Variants in CBL observed in about 807,000 individuals in gnomAD.
CBL encodes the protein E3 ubiquitin-protein ligase CBL.
A neutral mutation model predicts 96.9 loss-of-function variants in CBL; 45 were observed. That is an observed-to-expected ratio of 0.46 (90% CI 0.37 to 0.60). The LOEUF (loss-of-function observed/expected upper bound fraction) is 0.60, where lower values mean the gene tolerates loss of function less well. CBL is among the 20% of genes least tolerant of loss of function. The probability of loss-of-function intolerance (pLI) is 0.00; values close to 1 mark genes in which losing one functional copy is unlikely to be tolerated. For synonymous variants in CBL, 420 were observed against 426.8 expected (o/e 0.98, Z 0.20); for missense variants, 1,024 against 1,143.5 (o/e 0.90, Z 1.51).
At chr11:119,215,454 G>T (rs117176076) in intron 1 of CBL, among the ~76,000 whole-genome samples, 3 of 147,410 alleles carry the variant, frequency 2.0e-5, no homozygotes, top group Non-Finnish European at 4.5e-5. Flanking sequence ...TTGAGGTTGC[G>T]TCTTGCTGTG....
At chr11:119,285,698 C>G in intron 11 of CBL, 132 bp downstream of exon 11, 2 of 1,006,218 alleles carry the variant, frequency 2.0e-6, no homozygotes, top group Non-Finnish European at 3.0e-6. Flanking sequence ...GATTTCGAGA[C>G]CAGCCTGGGG....
chr11:119,272,642 A>C (rs919197798), intron 3 of CBL, among the ~76,000 whole-genome samples: 1 of 152,208 alleles, frequency 6.6e-6, no homozygotes, highest in Non-Finnish European at 1.5e-5. Flanking sequence ...CAGTTTGGCT[A>C]ACGCTGGCGA....
intron 1 of CBL, among the ~76,000 whole-genome samples, chr11:119,212,928 A>C (rs1448487284): frequency 4.0e-5 from 6 of 150,756 alleles, no homozygotes; most frequent in South Asian, 2.1e-4. Context: ...AGCCAAGATC[A>C]TGCTACTGAC....
Position 119,278,182 on chromosome 11 carries a change from A to G in CBL, c.1112A>G (p.Tyr371Cys), listed in dbSNP as rs387906666. The stretch of plus-strand genomic sequence containing the variant: ...TAATCAAAGGAACAATATGAATTAT[A>G]CTGTGAGATGGGCTCCACATTCCAA... ...IKVTQEQYEL[Y>C]CEMGSTFQLC... The change falls in exon 8 of 16, where the codon TAC (tyrosine) becomes TGC (cysteine). Residue 371 changes from tyrosine (Y) to cysteine (C), a missense_variant. Around this residue, in one of 4 missense-constraint regions of CBL, gnomAD observed 695 missense variants for 661.6 expected, o/e 1.05. Coordinates refer to ENST00000264033, the MANE Select transcript of CBL (RefSeq NM_005188.4). 1.2e-6 allele frequency: 2 copies of G among 1,602,602 alleles called. No individual in the cohort carries two copies. The highest frequency in any genetic ancestry group is 1.7e-6 in the Non-Finnish European group (2 of 1,169,488).
intron 2 of CBL, among the ~76,000 whole-genome samples, chr11:119,261,203 C>T (rs190722856): frequency 1.4e-4 from 22 of 152,150 alleles, no homozygotes; most frequent in Admixed American, 1.3e-3. Flanking sequence ...CGTGAGCCAC[C>T]GCGCCTGGCC....
chr11:119,214,313 A>G (rs1023136616), intron 1 of CBL, among the ~76,000 whole-genome samples: 19 of 151,786 alleles, frequency 1.3e-4, no homozygotes, highest in Non-Finnish European at 1.6e-4. Context: ...GCTCAATGCA[A>G]TGAGTGGCGT....
At chr11:119,260,889 C>G (rs896819792) in intron 2 of CBL, among the ~76,000 whole-genome samples, 4 of 150,290 alleles carry the variant, frequency 2.7e-5, no homozygotes, top group Non-Finnish European at 5.9e-5. Context: ...TTAATGACTC[C>G]CCACTGCACT....
chr11:119,253,665 TTAATAATAA>T (rs545926429), intron 2 of CBL, among the ~76,000 whole-genome samples: 1 of 146,366 alleles, frequency 6.8e-6, no homozygotes, highest in Non-Finnish European at 1.5e-5. Flanking sequence ...AAACTCTGTC[TTAATAATAA>T]TAATAATAAT....
At chr11:119,217,596 C>T (rs932660092) in intron 1 of CBL, among the ~76,000 whole-genome samples, 1 of 152,080 alleles carries the variant, frequency 6.6e-6, no homozygotes, top group African/African-American at 2.4e-5. Context: ...AATCAGCTCT[C>T]AGGAGATGTC....
In CBL at chr11:119,300,366, AT is replaced by A. The variant is rs1354716910; in HGVS notation, c.*590del. The A allele has an allele frequency of 4.9e-6, 2 of 407,260 alleles. No individual in the cohort carries two copies. The highest frequency in any genetic ancestry group is 8.7e-6 in the Non-Finnish European group (2 of 230,700). 25.2% of individuals were successfully genotyped at this position (407,260 alleles called of 1,614,324 possible). ...ACCATGTGCATAGCTAAAGTCTTCTATTTTTAGAACACCTTCTGTCTGTTCT... is the reference window on the plus strand; with the variant it reads ...ACCATGTGCATAGCTAAAGTCTTCTATTTTAGAACACCTTCTGTCTGTTCT... On this transcript the variant is annotated 3_prime_UTR_variant, in exon 16 of 16. Transcript: ENST00000264033.
Position 119,255,402 on chromosome 11 carries a change from A to C in CBL, c.444-16333A>C, listed in dbSNP as rs377657504. 2.6e-5 allele frequency among the ~76,000 whole-genome samples: 4 copies of C among 152,282 alleles called. No individual in the cohort carries two copies. In the East Asian group the frequency reaches 7.7e-4, roughly 29 times the overall value. On this transcript the variant is annotated intron_variant, in intron 2 of 15. Transcript: ENST00000264033. ...TAAGGTAACAACTCGACTAAGATGG[A>C]GATAAAAAGCTGTTGGCACTGTGAG...
At chr11:119,261,123 A>G (rs1398891952) in intron 2 of CBL, among the ~76,000 whole-genome samples, 1 of 151,800 alleles carries the variant, frequency 6.6e-6, no homozygotes, top group Non-Finnish European at 1.5e-5. Context: ...CATGTTGGCC[A>G]GGCTGGTCTC....
intron 1 of CBL, 121 bp downstream of exon 1, chr11:119,206,733 C>A (rs940709827): frequency 1.4e-5 from 8 of 567,778 alleles, no homozygotes; most frequent in Non-Finnish European, 1.8e-5. Context: ...CGGGGAGGCG[C>A]GGAGCCGGGG....
Position 119,287,839 on chromosome 11 carries a change from C to G in CBL, c.1942-13C>G. ...AAGAAAGTTGTTTTTCAACACTTTT[C>G]TTTACTTTCCAGAGTATGAATAGCA... On this transcript the variant is annotated splice_polypyrimidine_tract_variant and intron_variant, in intron 11 of 15. Transcript: ENST00000264033. 2 of 1,579,996 alleles carry G rather than the reference C, an allele frequency of 1.3e-6. No homozygotes were observed. Among genetic ancestry groups the G allele is most frequent in the Non-Finnish European group, 1.7e-6 (2 of 1,148,952 alleles).
chr11:119,286,263 C>G (rs777503349), intron 11 of CBL, among the ~76,000 whole-genome samples: 2 of 152,100 alleles, frequency 1.3e-5, no homozygotes, highest in Non-Finnish European at 2.9e-5. Context: ...CAGGTGATTG[C>G]ACTCCAGCCT....
intron 9 of CBL, among the ~76,000 whole-genome samples, chr11:119,282,125 A>G (rs1467937664): frequency 2.1e-5 from 3 of 144,996 alleles, no homozygotes; most frequent in Non-Finnish European, 4.4e-5. Flanking sequence ...ATCACCTGAG[A>G]TCAGAAGTTC....
chr11:119,274,829 T>C lies in CBL; in HGVS notation c.748-3T>C, dbSNP rs1060500677. ...TAGTCTGTGATTGATCTTGTTTCTT[T>C]AGCCCTGGTCCTCTTTGCTCAGGAA... On this transcript the variant is annotated splice_polypyrimidine_tract_variant and splice_region_variant and intron_variant, in intron 4 of 15. Coordinates refer to ENST00000264033, the MANE Select transcript of CBL (RefSeq NM_005188.4). 5.0e-6 allele frequency: 8 copies of C among 1,613,740 alleles called. No homozygotes were observed. The highest frequency in any genetic ancestry group is 6.8e-6 in the Non-Finnish European group (8 of 1,179,722).
rs199537344 is a variant in CBL at position 119,299,616 on chromosome 11, C to T, written c.2556C>T (p.Thr852=). Residue 852 remains threonine, a synonymous_variant, in exon 16 of 16, where the codon ACC becomes ACT. Transcript: ENST00000264033. The stretch of plus-strand genomic sequence containing the variant: ...GTGGTCCTGCCGCCTCTGCTGCCAC[C>T]GCCTCACCTCAGCTCTCCAGTGAGA... ...QGSGPAASAA[T]ASPQLSSEIE... is the part of the protein sequence containing the mutation. 7.8e-5 allele frequency: 126 copies of T among 1,614,092 alleles called. No individual in the cohort carries two copies. Among genetic ancestry groups the T allele is most frequent in the Non-Finnish European group, 9.7e-5 (114 of 1,180,046 alleles).
intron 1 of CBL, 92 bp downstream of exon 1, chr11:119,206,704 G>T: frequency 7.3e-7 from 1 of 1,372,694 alleles, no homozygotes; most frequent in Non-Finnish European, 9.9e-7. Flanking sequence ...AGCGGGGGAG[G>T]GGACGGGTCT....
Sources: gnomAD v4.1 joint callset for allele counts (sites outside exome capture counted in the v4.1 genomes callset) on GRCh38, gnomAD v4.1.1 for gene constraint, gnomAD v4.1.1 regional missense constraint, MANE v1.5 for transcripts, NCBI Gene and HGNC (gene_info 2026-07-23, HGNC 2026-07-21) for gene names.